P2RX4: variants seen among roughly 807,000 people sequenced by gnomAD.
P2RX4 encodes the protein P2X purinoceptor 4.
Under a neutral mutation model 48.0 loss-of-function variants are expected in P2RX4, and 37 were observed. The observed-to-expected ratio is 0.77, with a 90% CI of 0.59 to 1.01. The LOEUF is 1.01. Among genes scored for constraint, P2RX4 ranks in the 50% least tolerant of loss-of-function variants. The pLI is 0.00. For missense variants in P2RX4, 501 were observed against 521.4 expected (o/e 0.96, Z 0.38); for synonymous variants, 200 against 199.7 (o/e 1.00, Z -0.01).
chr12:121,233,240 T>G (rs1239009340), intron 11 of P2RX4, 148 bp downstream of exon 11: 4 of 660,884 alleles, frequency 6.1e-6, no homozygotes, highest in Admixed American at 2.7e-5. Context: ...GTCCTGCCAC[T>G]CTCAGCAGCT....
chr12:121,210,868 C>T lies in P2RX4; in HGVS notation c.134+570C>T, dbSNP rs543715436. On this transcript the variant is annotated intron_variant, in intron 1 of 11. Coordinates refer to ENST00000337233, the MANE Select transcript of P2RX4 (RefSeq NM_002560.3). ...TGCCCCTTGGCTGTAGGGGCTTCGCCCTGAACGTCTCAATCTTCGCTCTCC... is the reference window on the plus strand; with the variant it reads ...TGCCCCTTGGCTGTAGGGGCTTCGCTCTGAACGTCTCAATCTTCGCTCTCC... Among the ~76,000 whole-genome samples the T allele has an allele frequency of 4.0e-4, 61 of 152,350 alleles. 1 individual carries two copies. The highest frequency in any genetic ancestry group is 1.2e-3 in the Admixed American group (18 of 15,306).
chr12:121,222,373 T>TTG (rs1555236258), intron 4 of P2RX4: 7 of 569,250 alleles, frequency 1.2e-5, no homozygotes, highest in African/African-American at 1.9e-5. Flanking sequence ...TGTTTTTTTT[T>TTG]TTGTTGTTGT....
chr12:121,210,502 A>G (rs1218380184), intron 1 of P2RX4, among the ~76,000 whole-genome samples: 2 of 152,294 alleles, frequency 1.3e-5, no homozygotes, highest in African/African-American at 4.8e-5. Context: ...AGCCTGGGCC[A>G]GGCGCGGTGG....
chr12:121,212,824 A>ATATATATAT (rs370835501), intron 1 of P2RX4: 36 of 32,252 alleles, frequency 1.1e-3, no homozygotes, highest in South Asian at 2.0e-3. Context: ...ATATATATAT[A>ATATATATAT]TTTTTTTTTT....
chr12:121,219,615 G>GGATGGATAGATA (rs1341119480), intron 2 of P2RX4, among the ~76,000 whole-genome samples: 57 of 140,632 alleles, frequency 4.1e-4, no homozygotes, highest in African/African-American at 8.4e-4. Context: ...ATGGATGGAT[G>GGATGGATAGATA]GATAGATAGA....
At chr12:121,214,859 AC>A (rs1886120205) in intron 1 of P2RX4, 2 of 151,966 alleles carry the variant, frequency 1.3e-5, no homozygotes, top group Non-Finnish European at 2.9e-5. Flanking sequence ...ATCTCAGCCC[AC>A]TGCAATCTCC....
intron 1 of P2RX4, among the ~76,000 whole-genome samples, chr12:121,211,683 T>C (rs1280366588): frequency 5.9e-5 from 9 of 151,876 alleles, no homozygotes; most frequent in Non-Finnish European, 1.3e-4. Flanking sequence ...CCAGACCCTT[T>C]TTTATTTTTT....
intron 2 of P2RX4, among the ~76,000 whole-genome samples, chr12:121,219,560 T>C (rs1175335158): frequency 2.0e-5 from 3 of 149,232 alleles, no homozygotes; most frequent in African/African-American, 7.6e-5. Context: ...TGAGACCCCA[T>C]CTTGATTGGA....
intron 5 of P2RX4, among the ~76,000 whole-genome samples, chr12:121,225,218 AC>A (rs890862513): frequency 1.3e-5 from 2 of 148,844 alleles, no homozygotes; most frequent in African/African-American, 2.5e-5. Flanking sequence ...GATTATAGGC[AC>A]CCCCCACCAC....
rs1887462195 is a variant in P2RX4 at position 121,232,910 on chromosome 12, G to A, written c.1045-87G>A. On this transcript the variant is annotated intron_variant, in intron 10 of 11. Transcript: ENST00000337233. The surrounding 1 kb of genome is among the most constrained non-coding windows in gnomAD (Gnocchi z 4.3). ...CCTTTCCATTCCGGTAAAGATTCCA[G>A]GCTTCTCAGGAAGGGGCACGCAAAG... The A allele has an allele frequency of 1.0e-6, 1 of 993,914 alleles. No homozygotes were observed. The highest frequency in any genetic ancestry group is 1.6e-6 in the Non-Finnish European group (1 of 618,622). The allele number at this position is 993,914 out of a possible 1,614,324, so 61.6% of individuals were successfully genotyped here.
intron 1 of P2RX4, chr12:121,216,413 TG>T (rs1458345344): frequency 6.5e-6 from 1 of 153,722 alleles, no homozygotes; most frequent in African/African-American, 2.4e-5. Flanking sequence ...CAGGATTAAA[TG>T]AGTTAATACA....
At chr12:121,210,419 A>G in intron 1 of P2RX4, 121 bp downstream of exon 1, 1 of 1,019,158 alleles carries the variant, frequency 9.8e-7, no homozygotes, top group Non-Finnish European at 1.3e-6. Flanking sequence ...AGGCGGTGAC[A>G]CCTTCCCTGG....
intron 2 of P2RX4, among the ~76,000 whole-genome samples, chr12:121,219,577 G>GTGGA (rs767985861): frequency 0.055 from 7,603 of 139,456 alleles, 345 homozygotes; most frequent in African/African-American, 0.087. Context: ...TGGATGGGTG[G>GTGGA]TGGATGGATG....
rs532455506 is a variant in P2RX4 at position 121,232,850 on chromosome 12, C to T, written c.1045-147C>T. On this transcript the variant is annotated intron_variant, in intron 10 of 11. Transcript: ENST00000337233. This position sits in a 1 kb window ranked among gnomAD's most constrained non-coding sequence, Gnocchi z 4.3. ...CCTTCCCTTCTCCAAGACCACCCCC[C>T]TCAGGTCCCAGCCTTCTCCCAAGAG... 2.0e-5 allele frequency: 17 copies of T among 862,982 alleles called. No homozygotes were observed. The highest frequency in any genetic ancestry group is 2.5e-4 in the Middle Eastern group (1 of 4,034). 53.5% of individuals were successfully genotyped at this position (862,982 alleles called of 1,614,324 possible). A position where few individuals can be genotyped will look rare whatever the true frequency, so the allele number is the denominator to read the frequency against.
rs925768614 is a variant in P2RX4, at chr12:121,229,328, A to C, written c.884+229A>C. Among the ~76,000 whole-genome samples the C allele has an allele frequency of 2.6e-5, 4 of 152,070 alleles. No individual in the cohort carries two copies. Among genetic ancestry groups the C allele is most frequent in the Non-Finnish European group, 5.9e-5 (4 of 68,008 alleles). ...CCCCTCCTTGCCCTTTCCTGCCGCA[A>C]GAAACATGTTGAGATGGTTCTTAGA... On this transcript the variant is annotated intron_variant, in intron 8 of 11. Coordinates refer to ENST00000337233, the MANE Select transcript of P2RX4 (RefSeq NM_002560.3). This position sits in a 1 kb window ranked among gnomAD's most constrained non-coding sequence, Gnocchi z 4.6.
Position 121,222,902 on chromosome 12 carries a change from G to C in P2RX4, c.428-45G>C, listed in dbSNP as rs751681079. On this transcript the variant is annotated intron_variant, in intron 4 of 11. Transcript: ENST00000337233. ...TACTCCAAAAAGGTAGAAAATAGGA[G>C]ACCCCTGTGGACATGGGACCCCCCT... is the stretch of plus-strand genomic sequence containing the variant. 4 of 1,482,362 alleles carry C rather than the reference G, an allele frequency of 2.7e-6. No individual in the cohort carries two copies. In the African/African-American group the frequency reaches 4.1e-5, roughly 15 times the overall value. 91.8% of individuals were successfully genotyped at this position (1,482,362 alleles called of 1,614,324 possible).
chr12:121,233,462 C>A, intron 11 of P2RX4, 61 bp from the exon 12 acceptor site: 2 of 1,559,158 alleles, frequency 1.3e-6, no homozygotes, highest in South Asian at 2.3e-5. Context: ...AGCGCACCTC[C>A]CTCCCGCCTG....
intron 11 of P2RX4, 125 bp downstream of exon 11, chr12:121,233,217 G>A (rs572976224): frequency 6.9e-5 from 49 of 705,084 alleles, no homozygotes; most frequent in East Asian, 1.5e-4. Context: ...TGGTGTCCCC[G>A]TTAACCCGGG....
intron 5 of P2RX4, chr12:121,223,247 T>G: frequency 1.8e-6 from 1 of 548,008 alleles, no homozygotes; most frequent in Non-Finnish European, 3.3e-6. Context: ...ACTAATTTTT[T>G]GTATTTTTAG....
Sources: allele counts gnomAD v4.1 joint callset (sites outside exome capture counted in the v4.1 genomes callset), GRCh38; gene constraint gnomAD v4.1.1; non-coding constraint Gnocchi (gnomAD v3.1); transcripts MANE v1.5; gene names NCBI Gene and HGNC (gene_info 2026-07-23, HGNC 2026-07-21).